The following ABCB1 variants were observed in gnomAD, a reference collection of about 807,000 sequenced individuals.
ABCB1 encodes the protein ATP binding cassette subfamily B member 1.
ABCB1 carries 69 observed loss-of-function variants against 142.0 expected under a neutral mutation model. The observed-to-expected ratio is 0.49, with a 90% confidence interval of 0.40 to 0.59. The LOEUF (loss-of-function observed/expected upper bound fraction) is 0.59. ABCB1 is among the 20% of genes least tolerant of loss of function. The probability of loss-of-function intolerance (pLI) is 0.00; values close to 1 mark genes in which losing one functional copy is unlikely to be tolerated. For missense variants in ABCB1, 1,326 were observed against 1,554.7 expected (o/e 0.85, Z 2.47); for synonymous variants, 532 against 539.2 (o/e 0.99, Z 0.18).
At chr7:87,525,590 A>G (rs571429920) in intron 21 of ABCB1, among the ~76,000 whole-genome samples, 1 of 152,360 alleles carries the variant, frequency 6.6e-6, no homozygotes, top group African/African-American at 2.4e-5. Flanking sequence ...TAGAGGGAAG[A>G]AAATGTTATT....
At chr7:87,621,607 T>C (rs1435765870) in intron 1 of ABCB1, among the ~76,000 whole-genome samples, 1 of 151,976 alleles carries the variant, frequency 6.6e-6, no homozygotes, top group Non-Finnish European at 1.5e-5. Context: ...CAGAAATTAT[T>C]AAAAAAACGA....
At chr7:87,612,195 C>G (rs7794477) in intron 1 of ABCB1, among the ~76,000 whole-genome samples, 2,159 of 152,222 alleles carry the variant, frequency 0.014, 24 homozygotes, top group Non-Finnish European at 0.023. Flanking sequence ...CAAATATTTT[C>G]TCCCATTCTG....
At position 87,539,304 on chromosome 7, in the gene ABCB1, C is replaced by T. The variant is rs1816426585; in HGVS notation, c.2361G>A (p.Arg787=). ...FGKAGEILTK[R]LRYMVFRSML... ...TGGATCGGAAAACCATGTATCGGAG[C>T]CGCTTGGTGAGGATCTCTCCAGCTT... The change falls in exon 19 of 28, where the codon CGG becomes CGA. Residue 787 remains arginine, a synonymous_variant. Transcript: ENST00000622132. The T allele has an allele frequency of 6.2e-7, 1 of 1,614,062 alleles. No homozygotes were observed. Among genetic ancestry groups the T allele is most frequent in the Non-Finnish European group, 8.5e-7 (1 of 1,180,014 alleles).
intron 1 of ABCB1, among the ~76,000 whole-genome samples, chr7:87,669,735 C>A (rs931048440): frequency 1.3e-5 from 2 of 152,154 alleles, no homozygotes; most frequent in Non-Finnish European, 2.9e-5. Context: ...GGGAAGCTCA[C>A]TTTGGCTGTA....
At chr7:87,548,726 A>G (rs1009704915) in intron 14 of ABCB1, among the ~76,000 whole-genome samples, 1 of 152,238 alleles carries the variant, frequency 6.6e-6, no homozygotes, top group Non-Finnish European at 1.5e-5. Context: ...TCAAAGGCAC[A>G]GTGCCCGGCA....
chr7:87,550,160 G>T lies in ABCB1; in HGVS notation c.1350+11C>A, dbSNP rs764258847. ...ATCACCGCAGGGTCTAGCTCGCATG[G>T]GTCATCTCACCATCCCCTCTGTGGG... On this transcript the variant is annotated intron_variant, in intron 12 of 27. Transcript: ENST00000622132. The T allele has an allele frequency of 7.4e-6, 12 of 1,614,040 alleles. No homozygotes were observed. Among genetic ancestry groups the T allele is most frequent in the Admixed American group, 1.7e-5 (1 of 60,012 alleles).
intron 3 of ABCB1, among the ~76,000 whole-genome samples, chr7:87,593,496 G>A (rs1819078280): frequency 6.6e-6 from 1 of 152,210 alleles, no homozygotes; most frequent in Non-Finnish European, 1.5e-5. Flanking sequence ...CAGCAGCTCT[G>A]AGGCTGCCAT....
intron 1 of ABCB1, among the ~76,000 whole-genome samples, chr7:87,671,607 C>T (rs1025606118): frequency 6.6e-6 from 1 of 152,152 alleles, no homozygotes; most frequent in Non-Finnish European, 1.5e-5. Context: ...GGAGCTTTGT[C>T]CCTGGGAGGT....
chr7:87,638,375 G>A (rs1200151180), intron 1 of ABCB1, among the ~76,000 whole-genome samples: 1 of 151,580 alleles, frequency 6.6e-6, no homozygotes, highest in African/African-American at 2.4e-5. Context: ...GTGTGTGTGT[G>A]TGTGTTTCCT....
chr7:87,628,772 G>C (rs555951072), intron 1 of ABCB1: 118 of 1,117,506 alleles, frequency 1.1e-4, no homozygotes, highest in Middle Eastern at 6.4e-4. Context: ...AAGCAGGTGT[G>C]GGGGGCGTGC....
chr7:87,660,053 A>G (rs1289081398), intron 1 of ABCB1, among the ~76,000 whole-genome samples: 2 of 152,134 alleles, frequency 1.3e-5, no homozygotes, highest in African/African-American at 4.8e-5. Context: ...GTTTATGAGT[A>G]AAATTAGTCT....
intron 4 of ABCB1, among the ~76,000 whole-genome samples, chr7:87,575,426 A>G (rs1049446633): frequency 1.1e-4 from 17 of 152,238 alleles, no homozygotes; most frequent in African/African-American, 4.1e-4. Context: ...ATATCATCGG[A>G]TTTCTGTTCA....
chr7:87,633,313 T>C (rs1380674229), intron 1 of ABCB1, among the ~76,000 whole-genome samples: 5 of 152,196 alleles, frequency 3.3e-5, no homozygotes, highest in Non-Finnish European at 7.3e-5. Context: ...TGGATTGCTT[T>C]AAAAAATGAT....
intron 1 of ABCB1, among the ~76,000 whole-genome samples, chr7:87,667,295 G>T (rs184730707): frequency 2.0e-5 from 3 of 151,928 alleles, no homozygotes; most frequent in Non-Finnish European, 4.4e-5. Flanking sequence ...TTTGGCTGTT[G>T]TTGGTGTATA....
intron 1 of ABCB1, among the ~76,000 whole-genome samples, chr7:87,675,530 G>A (rs532058545): frequency 2.1e-4 from 31 of 150,706 alleles, no homozygotes; most frequent in Non-Finnish European, 4.4e-4. Flanking sequence ...ACAAAGTAGA[G>A]AACCCAGAAA....
Position 87,585,564 on chromosome 7 carries a change from G to T in ABCB1, c.234C>A (p.Ile78=), listed in dbSNP as rs777306673. Residue 78 remains isoleucine (I), a synonymous_variant, in exon 4 of 28, where the codon ATC becomes ATA. Coordinates refer to ENST00000622132, the MANE Select transcript of ABCB1 (RefSeq NM_001348946.2). ...MMLVFGEMTD[I]FANAGNLEDL... The stretch of plus-strand genomic sequence containing the variant: ...CTTCTAAATTTCCTGCATTTGCAAA[G>T]ATATCTGTCATTTCTCCAAACACCA... The T allele has an allele frequency of 1.2e-5, 20 of 1,613,920 alleles. No individual in the cohort carries two copies. The highest frequency in any genetic ancestry group is 1.6e-5 in the Non-Finnish European group (19 of 1,179,888).
chr7:87,702,129 C>T lies in ABCB1; in HGVS notation c.-331+11032G>A, dbSNP rs182467411. 5.9e-3 allele frequency among the ~76,000 whole-genome samples: 577 copies of T among 98,006 alleles called. 2 individuals carry two copies. The highest frequency in any genetic ancestry group is 0.021 in the African/African-American group (483 of 22,640). 64.3% of individuals were successfully genotyped at this position (98,006 alleles called of 152,430 possible). On this transcript the variant is annotated intron_variant, in intron 1 of 28. Coordinates refer to the ABCB1 transcript ENST00000265724. ...CTGCACTCCAGCCTGGGCAAAAGAGCGAGACTCTGTCTCAAAAAAAAAAAA... is the reference window on the plus strand; with the variant it reads ...CTGCACTCCAGCCTGGGCAAAAGAGTGAGACTCTGTCTCAAAAAAAAAAAA...
intron 4 of ABCB1, among the ~76,000 whole-genome samples, chr7:87,570,914 T>C (rs1274601440): frequency 2.6e-5 from 4 of 152,186 alleles, no homozygotes; most frequent in Admixed American, 6.5e-5. Flanking sequence ...TTACATTTAG[T>C]GGCCAAATTT....
chr7:87,648,806 C>A (rs936475760), intron 1 of ABCB1, among the ~76,000 whole-genome samples: 1 of 151,996 alleles, frequency 6.6e-6, no homozygotes, highest in African/African-American at 2.4e-5. Context: ...GATTATTTTG[C>A]ATGGTTTCAA....
Sources: gnomAD v4.1 joint callset for allele counts (sites outside exome capture counted in the v4.1 genomes callset) on GRCh38, gnomAD v4.1.1 for gene constraint, MANE v1.5 for transcripts, NCBI Gene and HGNC (gene_info 2026-07-23, HGNC 2026-07-21) for gene names.